The following HTR3B variants were observed in gnomAD, a reference collection of about 807,000 sequenced individuals.
The protein encoded by HTR3B is 5-hydroxytryptamine receptor 3B.
Under a neutral mutation model 42.8 loss-of-function variants are expected in HTR3B, and 44 were observed. The observed-to-expected ratio is 1.03, with a 90% CI of 0.81 to 1.32. The LOEUF is 1.32. Among genes scored for constraint, HTR3B ranks in the 40% most tolerant of loss-of-function variants. The probability of loss-of-function intolerance (pLI) is 0.00; values close to 1 mark genes in which losing one functional copy is unlikely to be tolerated. For synonymous variants in HTR3B, 203 were observed against 209.0 expected (o/e 0.97, Z 0.25); for missense variants, 527 against 536.5 (o/e 0.98, Z 0.17).
intron 6 of HTR3B, among the ~76,000 whole-genome samples, chr11:113,938,938 T>C (rs1950111982): frequency 6.6e-6 from 1 of 151,762 alleles, no homozygotes; most frequent in South Asian, 2.1e-4. Context: ...GAGGTTGCAG[T>C]GAGTCGAGAT....
At chr11:113,910,412 T>C (rs1253012153) in intron 2 of HTR3B, among the ~76,000 whole-genome samples, 1 of 151,826 alleles carries the variant, frequency 6.6e-6, no homozygotes, top group Non-Finnish European at 1.5e-5. Flanking sequence ...TTGATTTCAA[T>C]TGGTCCCAGA....
rs1224696207 is a variant in HTR3B at position 113,947,678 on chromosome 11, A to G, written c.*1541A>G. On this transcript the variant is annotated 3_prime_UTR_variant, in exon 9 of 9. Transcript: ENST00000260191. ...TGTTGGTTTAGGGTCCATCCTAGTG[A>G]CCTCTTTTAACCTTAATCACTTTTT... 6.6e-6 allele frequency among the ~76,000 whole-genome samples: 1 copy of G among 151,970 alleles called. No homozygotes were observed. Among genetic ancestry groups the G allele is most frequent in the Non-Finnish European group, 1.5e-5 (1 of 67,998 alleles).
rs1433089560 is a variant in HTR3B at position 113,931,792 on chromosome 11, G to A, written c.293G>A (p.Ser98Asn). Residue 98 changes from serine (S) to asparagine (N), a missense_variant, in exon 4 of 9, where the codon AGC becomes AAC. Coordinates refer to ENST00000260191, the MANE Select transcript of HTR3B (RefSeq NM_006028.5). ...WNDEFLSWNS[S>N]MFDEIREISL... ...GATGAATTTTTATCCTGGAACTCCA[G>A]CATGTTTGATGAGATTAGAGAGATC... is the stretch of plus-strand genomic sequence containing the variant. 1.2e-6 allele frequency: 2 copies of A among 1,612,668 alleles called. No homozygotes were observed.
At chr11:113,942,738 G>A (rs1950145472) in intron 6 of HTR3B, among the ~76,000 whole-genome samples, 1 of 152,184 alleles carries the variant, frequency 6.6e-6, no homozygotes, top group Admixed American at 6.5e-5. Context: ...GTAAATGCTA[G>A]CTGCTGCTTC....
chr11:113,904,300 G>T (rs1949718306), upstream of HTR3B, among the ~76,000 whole-genome samples: 1 of 152,196 alleles, frequency 6.6e-6, no homozygotes, highest in Non-Finnish European at 1.5e-5. Flanking sequence ...GAAAATTTGA[G>T]AAGCCCTCCT....
At chr11:113,908,394 C>G (rs977309813) in intron 1 of HTR3B, among the ~76,000 whole-genome samples, 1 of 152,184 alleles carries the variant, frequency 6.6e-6, no homozygotes, top group Non-Finnish European at 1.5e-5. Context: ...CAAATTCACA[C>G]GCAGGACACT....
At chr11:113,907,895 C>T (rs773212375) in intron 1 of HTR3B, among the ~76,000 whole-genome samples, 71 of 152,238 alleles carry the variant, frequency 4.7e-4, no homozygotes, top group Non-Finnish European at 7.9e-4. Flanking sequence ...TTGCCTTGTG[C>T]TCCTGACTTC....
In HTR3B at chr11:113,946,245, A is replaced by T. The variant is rs1022830511; in HGVS notation, c.*108A>T. Reference sequence around the variant, plus strand: ...GTCGGGTGTGGTGGTTCTTGCCTATAGTCCCAGTGCTTTGGGAGGCCATAG... The same window carrying T: ...GTCGGGTGTGGTGGTTCTTGCCTATTGTCCCAGTGCTTTGGGAGGCCATAG... On this transcript the variant is annotated 3_prime_UTR_variant, in exon 9 of 9. Coordinates refer to ENST00000260191, the MANE Select transcript of HTR3B (RefSeq NM_006028.5). 9.1e-5 allele frequency: 76 copies of T among 830,930 alleles called. No homozygotes were observed. The highest frequency in any genetic ancestry group is 1.3e-4 in the Non-Finnish European group (68 of 514,496). 51.5% of individuals were successfully genotyped at this position (830,930 alleles called of 1,614,324 possible).
intron 2 of HTR3B, among the ~76,000 whole-genome samples, chr11:113,929,648 C>T (rs189256728): frequency 3.9e-5 from 6 of 152,260 alleles, no homozygotes; most frequent in African/African-American, 1.4e-4. Flanking sequence ...ATAGCAGTGA[C>T]CTCGAGCATC....
chr11:113,945,287 A>G (rs1464323920), intron 8 of HTR3B, among the ~76,000 whole-genome samples: 1 of 151,282 alleles, frequency 6.6e-6, no homozygotes, highest in Non-Finnish European at 1.5e-5. Context: ...GGCGTGTGCC[A>G]CCATGCCTTG....
At chr11:113,904,126 T>C (rs916841638), upstream of HTR3B, among the ~76,000 whole-genome samples, 3 of 152,244 alleles carry the variant, frequency 2.0e-5, no homozygotes, top group Non-Finnish European at 4.4e-5. Flanking sequence ...AATAGTGTTA[T>C]TGTATAGAAT....
chr11:113,933,520 A>G (rs1006474289), intron 6 of HTR3B, among the ~76,000 whole-genome samples: 4 of 152,316 alleles, frequency 2.6e-5, no homozygotes, highest in Admixed American at 1.3e-4. Context: ...AACTAATTCC[A>G]GATGCAGATG....
At chr11:113,921,113 C>T (rs1294260422) in intron 2 of HTR3B, among the ~76,000 whole-genome samples, 3 of 151,496 alleles carry the variant, frequency 2.0e-5, no homozygotes, top group Admixed American at 6.6e-5. Flanking sequence ...CCGTCCAGCC[C>T]ATCTTTTTCC....
At chr11:113,907,945 G>A (rs765940995) in intron 1 of HTR3B, among the ~76,000 whole-genome samples, 1 of 152,174 alleles carries the variant, frequency 6.6e-6, no homozygotes, top group Non-Finnish European at 1.5e-5. Flanking sequence ...TTCTCAGGTA[G>A]AGAGATTCAC....
upstream of HTR3B, among the ~76,000 whole-genome samples, chr11:113,902,165 C>T (rs1476712734): frequency 2.0e-5 from 3 of 152,202 alleles, no homozygotes; most frequent in Non-Finnish European, 2.9e-5. Context: ...TTAAATTACT[C>T]TTTCTTCTGA....
chr11:113,920,532 T>C (rs1591575555), intron 2 of HTR3B, among the ~76,000 whole-genome samples: 1 of 151,134 alleles, frequency 6.6e-6, no homozygotes, highest in African/African-American at 2.4e-5. Context: ...CCTACCACCA[T>C]GTCCAGCTAA....
chr11:113,928,153 G>A (rs1268190783), intron 2 of HTR3B, among the ~76,000 whole-genome samples: 1 of 152,120 alleles, frequency 6.6e-6, no homozygotes, highest in Non-Finnish European at 1.5e-5. Flanking sequence ...CTCTTCCTAT[G>A]TTAGTTTGCT....
At chr11:113,942,932 A>G in intron 6 of HTR3B, 50 bp from the exon 7 acceptor site, 1 of 1,539,462 alleles carries the variant, frequency 6.5e-7, no homozygotes, top group Non-Finnish European at 9.0e-7. Context: ...GCCAAATCTG[A>G]GTCTGTTGGC....
intron 2 of HTR3B, among the ~76,000 whole-genome samples, chr11:113,919,082 A>ATAAAT (rs1949886282): frequency 5.3e-5 from 8 of 152,066 alleles, no homozygotes; most frequent in African/African-American, 1.9e-4. Context: ...GGAATTTTTA[A>ATAAAT]ATTTTTAATA....
Sources: allele counts gnomAD v4.1 joint callset (sites outside exome capture counted in the v4.1 genomes callset), GRCh38; gene constraint gnomAD v4.1.1; transcripts MANE v1.5; gene names NCBI Gene and HGNC (gene_info 2026-07-23, HGNC 2026-07-21).